Variants in ATP2C2 observed in about 807,000 individuals in gnomAD.
ATP2C2 encodes the protein calcium-transporting ATPase type 2C member 2.
A neutral mutation model predicts 110.8 loss-of-function variants in ATP2C2; 171 were observed. The observed-to-expected ratio is 1.54, with a 90% CI of 1.36 to 1.75. The LOEUF is 1.75. ATP2C2 is among the 40% of genes most tolerant of loss of function. The pLI, the probability that ATP2C2 is intolerant of heterozygous loss-of-function variation, is 0.00. For missense variants in ATP2C2, 1,963 were observed against 1,235.0 expected (o/e 1.59, Z -8.84); for synonymous variants, 804 against 508.4 (o/e 1.58, Z -7.82).
At chr16:84,442,674 T>C in intron 15 of ATP2C2, 75 bp downstream of exon 15, 3 of 1,425,374 alleles carry the variant, frequency 2.1e-6, no homozygotes, top group Non-Finnish European at 3.0e-6. Flanking sequence ...AGCCAGCTCC[T>C]GTCTGAGCTA....
chr16:84,390,578 T>G (rs902508808), intron 1 of ATP2C2, among the ~76,000 whole-genome samples: 1 of 152,142 alleles, frequency 6.6e-6, no homozygotes, highest in Non-Finnish European at 1.5e-5. Flanking sequence ...GGCGGGACCG[T>G]GACGTCCATA....
chr16:84,411,043 G>A (rs2150526884), intron 6 of ATP2C2: 1 of 512,572 alleles, frequency 2.0e-6, no homozygotes, highest in Non-Finnish European at 3.5e-6. Flanking sequence ...CTGGGAAGAG[G>A]GTAGCCCACA....
intron 16 of ATP2C2, 146 bp from the exon 17 acceptor site, chr16:84,448,387 C>G (rs35658270): frequency 0.076 from 77,780 of 1,021,954 alleles, 4,159 homozygotes; most frequent in South Asian, 0.23. Flanking sequence ...CTGTCCAGCA[C>G]CTGTGAACAG....
At chr16:84,452,484 TCTC>T (rs1023665193) in intron 18 of ATP2C2, among the ~76,000 whole-genome samples, 1 of 145,466 alleles carries the variant, frequency 6.9e-6, no homozygotes, top group African/African-American at 2.5e-5. Context: ...TAGCAGCCCT[TCTC>T]CTCTAGTTAC....
intron 16 of ATP2C2, among the ~76,000 whole-genome samples, chr16:84,447,849 ATATT>A (rs10548096): frequency 0.013 from 1,799 of 143,298 alleles, 38 homozygotes; most frequent in African/African-American, 0.043. Context: ...AATTAATATT[ATATT>A]TATTAATAAC....
chr16:84,373,786 A>G (rs369576728), intron 1 of ATP2C2, among the ~76,000 whole-genome samples: 2 of 152,196 alleles, frequency 1.3e-5, no homozygotes, highest in East Asian at 1.9e-4. Context: ...TCATCTGCTC[A>G]CTACTTATCT....
rs1907432313 is a variant in ATP2C2, at chr16:84,422,482, C to G, written c.717C>G (p.Leu239=). 3.7e-6 allele frequency: 6 copies of G among 1,614,034 alleles called. No homozygotes were observed. The highest frequency in any genetic ancestry group is 5.1e-6 in the Non-Finnish European group (6 of 1,180,046). The part of the protein sequence containing the change: ...TDSPLTGGGD[L]TTLSNIVFMG... The stretch of plus-strand genomic sequence containing the variant: ...GCCCCTTGACAGGCGGTGGGGACCT[C>G]ACCACCCTCAGCAACATCGTCTTCA... The change falls in exon 8 of 27, where the codon CTC becomes CTG. Residue 239 remains leucine (L), a synonymous_variant. Transcript: ENST00000262429.
chr16:84,410,336 A>G (rs1906162299), intron 4 of ATP2C2, among the ~76,000 whole-genome samples: 1 of 152,298 alleles, frequency 6.6e-6, no homozygotes, highest in Non-Finnish European at 1.5e-5. Context: ...AAGTGTGTCT[A>G]CGCAGAAAAA....
At chr16:84,389,720 C>CT (rs3085090) in intron 1 of ATP2C2, among the ~76,000 whole-genome samples, 58,204 of 119,922 alleles carry the variant, frequency 0.49, 14,846 homozygotes, top group Admixed American at 0.56. Flanking sequence ...TCACTGTTTC[C>CT]TTTTTTTTTT....
intron 3 of ATP2C2, among the ~76,000 whole-genome samples, chr16:84,405,637 A>T (rs888605547): frequency 1.3e-5 from 2 of 152,186 alleles, no homozygotes; most frequent in Non-Finnish European, 2.9e-5. Flanking sequence ...TTTCAATTTC[A>T]GGCTGGGCGT....
intron 1 of ATP2C2, among the ~76,000 whole-genome samples, chr16:84,393,653 G>T (rs978161449): frequency 6.6e-6 from 1 of 151,994 alleles, no homozygotes; most frequent in Non-Finnish European, 1.5e-5. Context: ...TGTTTAAAGT[G>T]GAAACCCATG....
At chr16:84,461,097 C>G (rs1328424536) in intron 24 of ATP2C2, 2 of 401,942 alleles carry the variant, frequency 5.0e-6, no homozygotes, top group South Asian at 4.4e-5. Context: ...CCCCTGTTCC[C>G]TTGTCACCAG....
At chr16:84,370,511 G>T (rs113675785) in intron 1 of ATP2C2, among the ~76,000 whole-genome samples, 1 of 152,118 alleles carries the variant, frequency 6.6e-6, no homozygotes, top group African/African-American at 2.4e-5. Context: ...AGGTGGGGAG[G>T]CCGGGTGGCT....
chr16:84,380,211 C>A (rs1201012139), intron 1 of ATP2C2, among the ~76,000 whole-genome samples: 1 of 152,152 alleles, frequency 6.6e-6, no homozygotes, highest in Admixed American at 6.5e-5. Flanking sequence ...TCTCACCAGG[C>A]CTTCTCCTCC....
At chr16:84,411,453 G>GT (rs1555557122) in intron 6 of ATP2C2, among the ~76,000 whole-genome samples, 5 of 152,056 alleles carry the variant, frequency 3.3e-5, no homozygotes, top group East Asian at 1.9e-4. Flanking sequence ...TTTTTTTGTT[G>GT]TTTTTTAAGA....
intron 9 of ATP2C2, 114 bp downstream of exon 9, chr16:84,422,811 G>A: frequency 2.6e-6 from 3 of 1,137,134 alleles, no homozygotes; most frequent in Non-Finnish European, 3.7e-6. Context: ...TGGTTCATAT[G>A]AGTATACTTT....
At chr16:84,424,483 G>A (rs867188510) in intron 10 of ATP2C2, among the ~76,000 whole-genome samples, 20 of 151,900 alleles carry the variant, frequency 1.3e-4, no homozygotes, top group Admixed American at 3.9e-4. Context: ...TTGTCATGTT[G>A]GCCAGGCTGG....
At chr16:84,409,795 G>T (rs1452597737) in intron 4 of ATP2C2, among the ~76,000 whole-genome samples, 1 of 152,142 alleles carries the variant, frequency 6.6e-6, no homozygotes, top group Non-Finnish European at 1.5e-5. Flanking sequence ...GAGCCACTGT[G>T]CCTGGCCTGA....
At position 84,463,599 on chromosome 16, in the gene ATP2C2, T is replaced by A. The variant is rs1382359467; in HGVS notation, c.2723-15T>A. 1 of 1,604,962 alleles carries A rather than the reference T, an allele frequency of 6.2e-7. No homozygotes were observed. The highest frequency in any genetic ancestry group is 1.3e-5 in the African/African-American group (1 of 74,712). On this transcript the variant is annotated splice_polypyrimidine_tract_variant and intron_variant, in intron 26 of 26. Coordinates refer to ENST00000262429, the MANE Select transcript of ATP2C2 (RefSeq NM_014861.4). The stretch of plus-strand genomic sequence containing the variant: ...GCAGCCCGTCCTGAATCTTTTCTGT[T>A]TTCTCCCTTGGCAGATTTGCTGTTT...
Sources: allele counts gnomAD v4.1 joint callset (sites outside exome capture counted in the v4.1 genomes callset), GRCh38; gene constraint gnomAD v4.1.1; transcripts MANE v1.5; gene names NCBI Gene and HGNC (gene_info 2026-07-23, HGNC 2026-07-21).